Variants in PDLIM2 observed in about 807,000 individuals in gnomAD.
PDLIM2 encodes the protein PDZ and LIM domain 2, also known as PDZ and LIM domain protein 2.
Under a neutral mutation model 54.1 loss-of-function variants are expected in PDLIM2, and 51 were observed. That is an observed-to-expected ratio of 0.94 (90% CI 0.75 to 1.19). The LOEUF is 1.19. Among genes scored for constraint, PDLIM2 ranks in the 50% most tolerant of loss-of-function variants. The pLI is 0.00. For missense variants in PDLIM2, 912 were observed against 874.0 expected, an observed-to-expected ratio of 1.04 and a Z score of -0.55; for synonymous variants, 398 against 385.6, an observed-to-expected ratio of 1.03 and a Z score of -0.38.
At chr8:22,595,568 G>GGGCTACCTTGGAACGCACCGA (rs1800668695), downstream of PDLIM2, 1 of 152,298 alleles carries the variant, frequency 6.6e-6, no homozygotes, top group African/African-American at 2.4e-5. Context: ...TGAGCGCCAA[G>GGGCTACCTTGGAACGCACCGA]GGCTACCTTG....
exon 4 of PDLIM2, chr8:22,584,868 A>G: frequency 6.2e-7 from 1 of 1,614,104 alleles, no homozygotes; most frequent in African/African-American, 1.3e-5. Context: ...AGCTCCTTGG[A>G]AGTGCTGGCG....
chr8:22,581,725 T>C (rs1487235713), intron 3 of PDLIM2, among the ~76,000 whole-genome samples, 195 bp downstream of exon 2: 1 of 152,168 alleles, frequency 6.6e-6, no homozygotes, highest in Non-Finnish European at 1.5e-5. Context: ...TTCCCATGCC[T>C]GGTTGGGTAA....
chr8:22,581,743 C>T lies in PDLIM2; in HGVS notation c.995+213C>T, dbSNP rs534421591. On this transcript the variant is annotated intron_variant, in intron 3 of 9. Coordinates refer to ENST00000308354, the Ensembl canonical transcript of PDLIM2. ...CCATGCCTGGTTGGGTAAAGGTGGGCGCCAGGCTGGGCGTGCAGTCACAGG... is the reference window on the plus strand; with the variant it reads ...CCATGCCTGGTTGGGTAAAGGTGGGTGCCAGGCTGGGCGTGCAGTCACAGG... Among the ~76,000 whole-genome samples, 93 of 152,316 alleles carry T rather than the reference C, an allele frequency of 6.1e-4. 2 individuals are homozygous for T. Among genetic ancestry groups the T allele is most frequent in the Middle Eastern group, 3.4e-3 (1 of 294 alleles).
intron 7 of PDLIM2, 91 bp downstream of exon 6, chr8:22,589,465 C>A (rs923683123): frequency 9.8e-6 from 15 of 1,531,868 alleles, no homozygotes; most frequent in Admixed American, 5.9e-5. Context: ...GATGGGGTCC[C>A]CCAAGCCCAG....
At position 22,589,392 on chromosome 8, in the gene PDLIM2, AG is replaced by A. The variant is rs1174831216; in HGVS notation, c.1367+21del. ...AGGCCCAGGTACCAGCAGGCCCCGG[AG>A]GGTCGGGTTGGGGTCTTGGAAGGCT... is the stretch of plus-strand genomic sequence containing the variant. On this transcript the variant is annotated intron_variant, in intron 7 of 9. Transcript: ENST00000308354. The A allele has an allele frequency of 2.0e-6, 3 of 1,535,564 alleles. No homozygotes were observed. Among genetic ancestry groups the A allele is most frequent in the African/African-American group, 2.8e-5 (2 of 72,724 alleles).
At chr8:22,594,446 C>T (rs1800639209), downstream of PDLIM2, 2 of 1,606,722 alleles carry the variant, frequency 1.2e-6, no homozygotes, top group Non-Finnish European at 1.7e-6. Flanking sequence ...CTGCACCTGA[C>T]ATTTCCCATG....
At chr8:22,589,954 A>G in intron 8 of PDLIM2, 1 of 608,746 alleles carries the variant, frequency 1.6e-6, no homozygotes, top group South Asian at 2.1e-5. Context: ...GTGCTCCCAC[A>G]GAGTAGTGGG....
At position 22,579,292 on chromosome 8, in the gene PDLIM2, C is replaced by G. The variant is rs1392268718; in HGVS notation, c.513C>G (p.Pro171=). 1.1e-5 allele frequency: 15 copies of G among 1,385,690 alleles called. No homozygotes were observed. In the Admixed American group the frequency reaches 1.5e-4, roughly 13 times the overall value. 85.8% of individuals were successfully genotyped at this position (1,385,690 alleles called of 1,614,324 possible). Residue 171 remains proline (P), a synonymous_variant, in exon 1 of 10, where the codon CCC becomes CCG. Transcript: ENST00000308354. ...CCGGCGCCGGGCTCCTCTCCGCGCCCCTGTCGGCGCGGAACCCTGGCCTCG... is the reference window on the plus strand; with the variant it reads ...CCGGCGCCGGGCTCCTCTCCGCGCCGCTGTCGGCGCGGAACCCTGGCCTCG...
chr8:22,589,803 G>A, intron 8 of PDLIM2, 62 bp downstream of exon 7: 1 of 1,542,638 alleles, frequency 6.5e-7, no homozygotes, highest in Non-Finnish European at 8.8e-7. Flanking sequence ...GGCCCTGACT[G>A]GATGGGTCAG....
At chr8:22,582,434 GGGT>G (rs1800232849) in intron 3 of PDLIM2, among the ~76,000 whole-genome samples, 1 of 152,136 alleles carries the variant, frequency 6.6e-6, no homozygotes, top group Non-Finnish European at 1.5e-5. Context: ...AGGAGGCTGA[GGGT>G]CTGGCAGCGG....
chr8:22,580,997 C>T (rs754561937), intron 2 of PDLIM2: 62 of 656,780 alleles, frequency 9.4e-5, no homozygotes, highest in Middle Eastern at 2.4e-4. Context: ...ACAAGAGCCC[C>T]GGAGTTCTTG....
exon 8 of PDLIM2, chr8:22,589,667 G>A (rs1304805384): frequency 3.2e-6 from 5 of 1,582,110 alleles, no homozygotes; most frequent in African/African-American, 1.3e-5. Flanking sequence ...CAGGAAAATC[G>A]CGAGGGACGG....
At chr8:22,594,010 T>C in exon 10 of PDLIM2, 2 of 1,472,642 alleles carry the variant, frequency 1.4e-6, no homozygotes, top group Non-Finnish European at 1.8e-6. Flanking sequence ...TTACATGAGC[T>C]AAGTTTGGAG....
intron 6 of PDLIM2, 126 bp from the exon 6 acceptor site, chr8:22,589,172 T>C (rs924675677): frequency 2.3e-6 from 2 of 885,448 alleles, no homozygotes; most frequent in Admixed American, 2.2e-5. Context: ...GGGGCAGGGG[T>C]CCGCTGGTCG....
intron 9 of PDLIM2, chr8:22,592,639 T>G (rs1800584752): frequency 1.3e-5 from 2 of 152,156 alleles, no homozygotes; most frequent in Admixed American, 1.3e-4. Flanking sequence ...TTCTCAAAGG[T>G]GTGTGTGTCG....
chr8:22,583,773 C>CA (rs1325606151), intron 3 of PDLIM2, among the ~76,000 whole-genome samples: 10 of 124,394 alleles, frequency 8.0e-5, no homozygotes, highest in Admixed American at 3.0e-4. Context: ...TCTCAAAAAA[C>CA]AAAAAAATCA....
chr8:22,585,632 TG>T, intron 6 of PDLIM2: 1 of 35,170 alleles, frequency 2.8e-5, no homozygotes, highest in Non-Finnish European at 4.7e-5. Flanking sequence ...GTCCATCTCC[TG>T]CACCCCTCCC....
At position 22,593,738 on chromosome 8, in the gene PDLIM2, A is replaced by C. The variant is rs550083543; in HGVS notation, c.1637A>C (p.Gln546Pro). The change falls in exon 10 of 10, where the codon CAG becomes CCG. Residue 546 changes from glutamine to proline, a missense_variant. Gln to Pro is a moderately conservative substitution (Grantham distance 76). Transcript: ENST00000308354. ...AGCCTCTCCCTCCCCTTCAGGAACCAGGCTGTGCGCATCCAGGAGGGCCGG... is the reference window on the plus strand; with the variant it reads ...AGCCTCTCCCTCCCCTTCAGGAACCCGGCTGTGCGCATCCAGGAGGGCCGG... 3.8e-6 allele frequency: 6 copies of C among 1,584,392 alleles called. No individual in the cohort carries two copies. In the East Asian group the frequency reaches 1.4e-4, roughly 36 times the overall value.
At chr8:22,581,083 G>A (rs1586918428) in intron 2 of PDLIM2, 2 of 676,988 alleles carry the variant, frequency 3.0e-6, no homozygotes, top group South Asian at 1.5e-5. Context: ...TGCAAGGTGC[G>A]ATTTGCACGG....
Sources: allele counts gnomAD v4.1 joint callset (sites outside exome capture counted in the v4.1 genomes callset), GRCh38; gene constraint gnomAD v4.1.1; transcripts MANE v1.5; gene names NCBI Gene and HGNC (gene_info 2026-07-23, HGNC 2026-07-21).